Variants in SLIT3 observed in about 807,000 individuals in gnomAD.
The protein encoded by SLIT3 is slit guidance ligand 3, also known as slit homolog 3 protein.
A neutral mutation model predicts 184.0 loss-of-function variants in SLIT3; 68 were observed. That is an observed-to-expected ratio of 0.37 (90% CI 0.30 to 0.45). The LOEUF is 0.45. Among genes scored for constraint, SLIT3 ranks in the 20% least tolerant of loss-of-function variants. SLIT3 has a pLI of 1.00. For missense variants in SLIT3, 1,707 were observed against 2,026.0 expected (o/e 0.84, Z 3.02); for synonymous variants, 831 against 828.6 (o/e 1.00, Z -0.05).
At chr5:169,165,581 G>A (rs748337354) in intron 4 of SLIT3, among the ~76,000 whole-genome samples, 5 of 152,048 alleles carry the variant, frequency 3.3e-5, no homozygotes, top group African/African-American at 9.7e-5. Context: ...TGACAAATTC[G>A]TTCATTCAAT....
At chr5:168,772,561 A>G in intron 14 of SLIT3, 1 of 548,320 alleles carries the variant, frequency 1.8e-6, no homozygotes, top group South Asian at 2.2e-5. Flanking sequence ...CCTCCTCCCC[A>G]TGCTTTTATT....
intron 13 of SLIT3, among the ~76,000 whole-genome samples, chr5:168,773,832 G>A (rs1755649114): frequency 6.6e-6 from 1 of 152,160 alleles, no homozygotes; most frequent in Admixed American, 6.5e-5. Flanking sequence ...AATGGAGTCT[G>A]CTCAGAATAC....
chr5:169,139,865 G>T (rs1203001330), intron 4 of SLIT3, among the ~76,000 whole-genome samples: 4 of 152,138 alleles, frequency 2.6e-5, no homozygotes, highest in African/African-American at 9.7e-5. Flanking sequence ...CAATCTATCT[G>T]CCAGCATCCC....
chr5:168,890,302 G>A (rs947528639), intron 4 of SLIT3, among the ~76,000 whole-genome samples: 6 of 152,150 alleles, frequency 3.9e-5, no homozygotes, highest in East Asian at 3.9e-4. Context: ...TTAAATTTTC[G>A]GAAGGAAAAG....
At chr5:169,135,321 A>C (rs1449498132) in intron 4 of SLIT3, among the ~76,000 whole-genome samples, 1 of 152,196 alleles carries the variant, frequency 6.6e-6, no homozygotes, top group Non-Finnish European at 1.5e-5. Context: ...CATGTTGGCC[A>C]GGCTGGTCTT....
intron 4 of SLIT3, among the ~76,000 whole-genome samples, chr5:169,153,909 G>A (rs996275524): frequency 1.3e-5 from 2 of 151,624 alleles, no homozygotes; most frequent in African/African-American, 2.4e-5. Context: ...CATGCATGGG[G>A]TCCTACTCTG....
chr5:169,119,217 CT>C (rs1760795423), intron 4 of SLIT3, among the ~76,000 whole-genome samples: 1 of 152,192 alleles, frequency 6.6e-6, no homozygotes, highest in African/African-American at 2.4e-5. Context: ...CTTCTTCAGC[CT>C]TGTTACGCAG....
rs188827041 is a variant in SLIT3, at chr5:168,869,863, C to T, written c.485+13402G>A. 7.2e-5 allele frequency among the ~76,000 whole-genome samples: 11 copies of T among 152,290 alleles called. No homozygotes were observed. In the East Asian group the frequency reaches 1.2e-3, roughly 16 times the overall value. ...GGCATTTAAAAGTAATTTAGGTTTG[C>T]GCACTTGTGCCTGGGGACTGCGTAC... On this transcript the variant is annotated intron_variant, in intron 5 of 35. Coordinates refer to ENST00000519560, the MANE Select transcript of SLIT3 (RefSeq NM_003062.4).
chr5:168,709,829 G>C (rs1421076492), intron 25 of SLIT3, among the ~76,000 whole-genome samples: 4 of 147,914 alleles, frequency 2.7e-5, no homozygotes, highest in Non-Finnish European at 5.9e-5. Flanking sequence ...AAAATAAAAG[G>C]AGTTTTTTTT....
chr5:168,984,483 C>G (rs938887563), intron 4 of SLIT3, among the ~76,000 whole-genome samples: 2 of 152,176 alleles, frequency 1.3e-5, no homozygotes, highest in Non-Finnish European at 2.9e-5. Context: ...TAACCATTAT[C>G]GCCTCTGATC....
intron 1 of SLIT3, among the ~76,000 whole-genome samples, chr5:169,299,529 G>A (rs992337068): frequency 2.0e-5 from 3 of 152,032 alleles, no homozygotes; most frequent in East Asian, 3.9e-4. Context: ...CCCACTTCTC[G>A]GCTGGGTTCC....
At chr5:168,825,896 A>T (rs1467176320) in intron 6 of SLIT3, among the ~76,000 whole-genome samples, 1 of 152,314 alleles carries the variant, frequency 6.6e-6, no homozygotes, top group East Asian at 1.9e-4. Flanking sequence ...CCTTCTGTCC[A>T]TTTCAGAGTT....
intron 4 of SLIT3, among the ~76,000 whole-genome samples, chr5:168,969,928 C>T (rs541070092): frequency 2.0e-5 from 3 of 152,234 alleles, no homozygotes; most frequent in Non-Finnish European, 4.4e-5. Context: ...CCGCCTGTAA[C>T]GCCAGCACTT....
intron 3 of SLIT3, among the ~76,000 whole-genome samples, chr5:169,240,582 T>TC (rs1223876573): frequency 3.5e-5 from 1 of 28,790 alleles, no homozygotes; most frequent in Non-Finnish European, 9.9e-5. Context: ...TCATTTTCTT[T>TC]TTTTTTTTTT....
intron 4 of SLIT3, among the ~76,000 whole-genome samples, chr5:169,167,431 C>A (rs7733409): frequency 0.035 from 5,263 of 150,754 alleles, 125 homozygotes; most frequent in South Asian, 0.098. Context: ...CCCACCACCA[C>A]ACCTGGCTAA....
At chr5:168,847,720 T>C (rs893453704) in intron 5 of SLIT3, among the ~76,000 whole-genome samples, 3 of 152,134 alleles carry the variant, frequency 2.0e-5, no homozygotes, top group Admixed American at 1.3e-4. Context: ...CAGCATTTCT[T>C]TGAGGATGGT....
chr5:168,810,508 G>A (rs1372972870), intron 8 of SLIT3, among the ~76,000 whole-genome samples: 1 of 152,212 alleles, frequency 6.6e-6, no homozygotes, highest in African/African-American at 2.4e-5. Flanking sequence ...ATCTGCTCTT[G>A]GAGCTCTTTC....
intron 4 of SLIT3, among the ~76,000 whole-genome samples, chr5:168,991,149 A>G (rs1436673883): frequency 6.6e-6 from 1 of 152,246 alleles, no homozygotes; most frequent in Non-Finnish European, 1.5e-5. Context: ...ATCTAACTAT[A>G]GTAACTCATA....
intron 4 of SLIT3, among the ~76,000 whole-genome samples, chr5:169,018,976 C>T (rs1756497299): frequency 6.6e-6 from 1 of 152,210 alleles, no homozygotes; most frequent in African/African-American, 2.4e-5. Context: ...TAGCACCCTG[C>T]ATTGACAACT....
Sources: gnomAD v4.1 joint callset for allele counts (sites outside exome capture counted in the v4.1 genomes callset) on GRCh38, gnomAD v4.1.1 for gene constraint, MANE v1.5 for transcripts, NCBI Gene and HGNC (gene_info 2026-07-23, HGNC 2026-07-21) for gene names.